The following LUZP2 variants were observed in gnomAD, a reference collection of about 807,000 sequenced individuals.
LUZP2 encodes leucine zipper protein 2.
Under a neutral mutation model 51.6 loss-of-function variants are expected in LUZP2, and 52 were observed. The observed-to-expected ratio is 1.01, with a 90% CI of 0.81 to 1.27. LUZP2 has a LOEUF of 1.27. LUZP2 is among the 50% of genes most tolerant of loss of function. The pLI is 0.00. For missense variants in LUZP2, 436 were observed against 395.4 expected (o/e 1.10, Z -0.87); for synonymous variants, 154 against 137.3 (o/e 1.12, Z -0.85).
chr11:24,788,733 G>A (rs1849320888), intron 5 of LUZP2, among the ~76,000 whole-genome samples: 1 of 152,064 alleles, frequency 6.6e-6, no homozygotes, highest in Admixed American at 6.6e-5. Flanking sequence ...TGGCAAGCAG[G>A]CAAGCTGGAG....
intron 5 of LUZP2, among the ~76,000 whole-genome samples, chr11:24,864,378 T>C (rs10767258): frequency 0.16 from 24,063 of 152,224 alleles, 2,084 homozygotes; most frequent in African/African-American, 0.22. Flanking sequence ...TTTATAATTA[T>C]AGTATTTATA....
chr11:24,539,111 A>G lies in LUZP2; in HGVS notation c.62+41806A>G, dbSNP rs142547267. Among the ~76,000 whole-genome samples the G allele has an allele frequency of 2.4e-3, 360 of 151,928 alleles. 1 individual carries two copies. The highest frequency in any genetic ancestry group is 8.3e-3 in the African/African-American group (344 of 41,520). ...TTTCACTTTTTATGTCATATGTTCT[A>G]TATATTTATTTTTAAAATTTGCACA... On this transcript the variant is annotated intron_variant, in intron 1 of 11. Transcript: ENST00000336930.
Position 24,618,202 on chromosome 11 carries a change from C to T in LUZP2, c.63-110967C>T, listed in dbSNP as rs149600785. On this transcript the variant is annotated intron_variant, in intron 1 of 11. Transcript: ENST00000336930. ...TGAAAGTCCCGAATCTCCACTAGGC[C>T]ACATGTGGAAGCAACACAGCCAAGA... is the stretch of plus-strand genomic sequence containing the variant. Among the ~76,000 whole-genome samples, 4 of 152,234 alleles carry T rather than the reference C, an allele frequency of 2.6e-5. No homozygotes were observed. In the East Asian group the frequency reaches 7.7e-4, roughly 29 times the overall value.
chr11:24,925,485 C>T (rs896227685), intron 7 of LUZP2, among the ~76,000 whole-genome samples: 2 of 152,108 alleles, frequency 1.3e-5, no homozygotes, highest in African/African-American at 4.8e-5. Context: ...TTGTCAAAAT[C>T]AACCCAACTT....
intron 10 of LUZP2, among the ~76,000 whole-genome samples, chr11:25,064,142 T>A (rs913110325): frequency 1.3e-5 from 2 of 152,090 alleles, no homozygotes; most frequent in Non-Finnish European, 1.5e-5. Flanking sequence ...TCAATTCACA[T>A]ACCATATAGT....
chr11:25,022,564 A>T (rs1227289012), intron 9 of LUZP2, among the ~76,000 whole-genome samples: 5 of 152,118 alleles, frequency 3.3e-5, no homozygotes, highest in Non-Finnish European at 5.9e-5. Flanking sequence ...TCACCAAAAA[A>T]ATCTGTAATT....
chr11:24,959,296 T>G (rs1231704077), intron 7 of LUZP2, among the ~76,000 whole-genome samples: 3 of 152,150 alleles, frequency 2.0e-5, no homozygotes, highest in Admixed American at 6.6e-5. Flanking sequence ...GTGAAGAAAG[T>G]CATTGGTAGC....
chr11:25,039,054 G>C (rs1415060431), intron 9 of LUZP2, among the ~76,000 whole-genome samples: 1 of 152,146 alleles, frequency 6.6e-6, no homozygotes, highest in Non-Finnish European at 1.5e-5. Context: ...ATAGGAGAGA[G>C]GTAACCCCCC....
chr11:24,620,060 G>A (rs569414852), intron 1 of LUZP2, among the ~76,000 whole-genome samples: 15 of 152,228 alleles, frequency 9.9e-5, no homozygotes, highest in African/African-American at 3.1e-4. Context: ...TTTCTCTAAT[G>A]CCAGACGTAC....
chr11:25,006,343 G>A (rs571608708), intron 9 of LUZP2, among the ~76,000 whole-genome samples: 3 of 152,224 alleles, frequency 2.0e-5, no homozygotes, highest in East Asian at 1.9e-4. Context: ...GGCAAGTCTC[G>A]CTTGGGCGAC....
intron 1 of LUZP2, among the ~76,000 whole-genome samples, chr11:24,583,716 T>G (rs1322641643): frequency 6.6e-6 from 1 of 151,602 alleles, no homozygotes; most frequent in African/African-American, 2.4e-5. Context: ...CTTTTTTTTT[T>G]TTTTTGAGAT....
At chr11:24,905,828 C>A (rs1853434573) in intron 5 of LUZP2, among the ~76,000 whole-genome samples, 163 bp from the exon 6 acceptor site, 1 of 152,114 alleles carries the variant, frequency 6.6e-6, no homozygotes, top group African/African-American at 2.4e-5. Flanking sequence ...AAAAAACAAT[C>A]TTTTACTTTA....
At chr11:24,924,528 T>A (rs1854170476) in intron 7 of LUZP2, among the ~76,000 whole-genome samples, 1 of 152,186 alleles carries the variant, frequency 6.6e-6, no homozygotes, top group Non-Finnish European at 1.5e-5. Context: ...CCTGGACATT[T>A]ACTCAACCTT....
At chr11:24,966,959 T>G (rs1373776123) in intron 7 of LUZP2, among the ~76,000 whole-genome samples, 1 of 150,090 alleles carries the variant, frequency 6.7e-6, no homozygotes, top group African/African-American at 2.4e-5. Flanking sequence ...TTATTAAACT[T>G]AGTATTTTTA....
At chr11:24,890,741 G>T (rs763040542) in intron 5 of LUZP2, among the ~76,000 whole-genome samples, 9 of 152,036 alleles carry the variant, frequency 5.9e-5, no homozygotes, top group Non-Finnish European at 1.0e-4. Context: ...TCATAGATAA[G>T]AGTCACATGT....
chr11:24,691,729 T>C (rs1476369638), intron 1 of LUZP2, among the ~76,000 whole-genome samples: 8 of 152,082 alleles, frequency 5.3e-5, no homozygotes, highest in Admixed American at 5.2e-4. Context: ...CAAGTTGTTA[T>C]TTGGGAACTT....
chr11:24,898,420 C>T (rs556779260), intron 5 of LUZP2, among the ~76,000 whole-genome samples: 1 of 152,240 alleles, frequency 6.6e-6, no homozygotes, highest in African/African-American at 2.4e-5. Flanking sequence ...GTCAGGAGAT[C>T]AAGACCATCC....
intron 7 of LUZP2, among the ~76,000 whole-genome samples, chr11:24,944,066 A>G (rs1435457814): frequency 6.6e-6 from 1 of 152,080 alleles, no homozygotes. Context: ...ACACATGATC[A>G]CCTTTAATAC....
At chr11:25,023,798 G>A (rs982701296) in intron 9 of LUZP2, among the ~76,000 whole-genome samples, 1 of 152,112 alleles carries the variant, frequency 6.6e-6, no homozygotes, top group South Asian at 2.1e-4. Flanking sequence ...TCTACACACT[G>A]CTTTAAATGT....
Sources: gnomAD v4.1 joint callset for allele counts (sites outside exome capture counted in the v4.1 genomes callset) on GRCh38, gnomAD v4.1.1 for gene constraint, MANE v1.5 for transcripts, NCBI Gene and HGNC (gene_info 2026-07-23, HGNC 2026-07-21) for gene names.